The following PRKCQ variants were observed in gnomAD, a reference collection of about 807,000 sequenced individuals.
PRKCQ encodes protein kinase C theta type.
A neutral mutation model predicts 91.2 loss-of-function variants in PRKCQ; 41 were observed. That is an observed-to-expected ratio of 0.45 (90% CI 0.35 to 0.58). The LOEUF is 0.58. Ranked by LOEUF, PRKCQ falls within the 20% of genes least tolerant of loss-of-function variation. The pLI is 0.00. For missense variants in PRKCQ, 673 were observed against 896.5 expected (o/e 0.75, Z 3.18); for synonymous variants, 307 against 316.9 (o/e 0.97, Z 0.33).
At chr10:6,523,515 A>G (rs546748232) in intron 1 of PRKCQ, among the ~76,000 whole-genome samples, 13 of 152,310 alleles carry the variant, frequency 8.5e-5, no homozygotes, top group Non-Finnish European at 1.6e-4. Flanking sequence ...CCTACAATAC[A>G]GTGACAAAGG....
chr10:6,445,735 A>AAAT (rs1429496604), intron 15 of PRKCQ, among the ~76,000 whole-genome samples: 7 of 152,248 alleles, frequency 4.6e-5, no homozygotes, highest in African/African-American at 1.7e-4. Context: ...AATTTAGAAA[A>AAAT]AATAGGCTTT....
chr10:6,459,877 G>A (rs1835229687), intron 14 of PRKCQ, among the ~76,000 whole-genome samples: 1 of 152,206 alleles, frequency 6.6e-6, no homozygotes, highest in African/African-American at 2.4e-5. Flanking sequence ...CAAAACTAAT[G>A]TATCAGTTTT....
rs117577973 is a variant in PRKCQ, at chr10:6,561,828, T to C, written c.-10+18383A>G. On this transcript the variant is annotated intron_variant, in intron 1 of 17. Coordinates refer to ENST00000263125, the MANE Select transcript of PRKCQ (RefSeq NM_006257.5). ...GTGGGTGTGGGCATGTATGTTGATATGATAGAACTTGCTGTTTTTAATGTG... is the reference window on the plus strand; with the variant it reads ...GTGGGTGTGGGCATGTATGTTGATACGATAGAACTTGCTGTTTTTAATGTG... Among the ~76,000 whole-genome samples the C allele has an allele frequency of 7.7e-3, 1,170 of 152,264 alleles. 7 individuals are homozygous for C. The highest frequency in any genetic ancestry group is 0.03 in the South Asian group (144 of 4,816).
chr10:6,395,130 C>T, the PRKCQ span, among the ~76,000 whole-genome samples: 1,283 of 134,900 alleles, frequency 9.5e-3, 17 homozygotes, highest in African/African-American at 0.034. Flanking sequence ...TGGCTGTGAT[C>T]TCGGCTCACT....
intron 1 of PRKCQ, among the ~76,000 whole-genome samples, chr10:6,572,249 T>C (rs1841073747): frequency 1.3e-5 from 2 of 151,418 alleles, no homozygotes; most frequent in Admixed American, 1.3e-4. Context: ...TTTTAAGTTC[T>C]GGGATACAGG....
intron 14 of PRKCQ, among the ~76,000 whole-genome samples, chr10:6,457,531 C>T (rs143493491): frequency 3.9e-5 from 6 of 152,288 alleles, no homozygotes; most frequent in African/African-American, 1.4e-4. Context: ...TTTTCAGACC[C>T]TTTTGACCTT....
At chr10:6,409,238 T>C in the PRKCQ span, among the ~76,000 whole-genome samples, 3 of 152,230 alleles carry the variant, frequency 2.0e-5, no homozygotes, top group African/African-American at 4.8e-5. Context: ...GGCATTAATA[T>C]GGGTGTTCCC....
At chr10:6,488,156 C>T (rs1344010068) in intron 8 of PRKCQ, among the ~76,000 whole-genome samples, 1 of 152,180 alleles carries the variant, frequency 6.6e-6, no homozygotes, top group Non-Finnish European at 1.5e-5. Context: ...TTAATCTTAT[C>T]TGCTGATTTG....
chr10:6,436,879 C>T (rs1220407934), intron 16 of PRKCQ, among the ~76,000 whole-genome samples: 1 of 152,190 alleles, frequency 6.6e-6, no homozygotes, highest in Non-Finnish European at 1.5e-5. Flanking sequence ...GGAATTACTT[C>T]TGGTTACCTC....
the PRKCQ span, among the ~76,000 whole-genome samples, chr10:6,397,879 C>T: frequency 1.3e-5 from 2 of 152,026 alleles, no homozygotes; most frequent in Non-Finnish European, 2.9e-5. Context: ...GAGCTGAGAT[C>T]GTGCCATTGC....
intron 1 of PRKCQ, among the ~76,000 whole-genome samples, chr10:6,538,070 G>A (rs1280022669): frequency 1.3e-5 from 2 of 152,254 alleles, no homozygotes; most frequent in Admixed American, 1.3e-4. Flanking sequence ...AGGGAAAGCG[G>A]GACCAAGGCT....
At chr10:6,435,941 C>T (rs7070193) in intron 16 of PRKCQ, among the ~76,000 whole-genome samples, 57,557 of 151,998 alleles carry the variant, frequency 0.38, 13,065 homozygotes, top group East Asian at 0.7. Context: ...TGGCAAAACC[C>T]GTCTCTACAA....
intron 1 of PRKCQ, among the ~76,000 whole-genome samples, chr10:6,547,216 C>T (rs1472815973): frequency 6.6e-6 from 1 of 152,066 alleles, no homozygotes; most frequent in Non-Finnish European, 1.5e-5. Flanking sequence ...CAAACCACTG[C>T]TCAATGAAAT....
chr10:6,548,664 A>C (rs1420130744), intron 1 of PRKCQ, among the ~76,000 whole-genome samples: 1 of 144,270 alleles, frequency 6.9e-6, no homozygotes, highest in Non-Finnish European at 1.5e-5. Flanking sequence ...GTTCTCACTC[A>C]TAGGTGGGAA....
intron 12 of PRKCQ, among the ~76,000 whole-genome samples, chr10:6,477,154 T>C (rs1327749802): frequency 6.6e-6 from 1 of 152,180 alleles, no homozygotes; most frequent in Non-Finnish European, 1.5e-5. Flanking sequence ...TTCTGCCCAT[T>C]CAAATTCCTC....
At chr10:6,560,108 T>C (rs1382060959) in intron 1 of PRKCQ, among the ~76,000 whole-genome samples, 1 of 152,194 alleles carries the variant, frequency 6.6e-6, no homozygotes, top group African/African-American at 2.4e-5. Flanking sequence ...AGTCAACATT[T>C]AGTGACTGAA....
At chr10:6,541,961 C>T (rs772991190) in intron 1 of PRKCQ, among the ~76,000 whole-genome samples, 5 of 152,068 alleles carry the variant, frequency 3.3e-5, no homozygotes, top group South Asian at 2.1e-4. Context: ...ATGATTAAAA[C>T]GCTGAGCCCA....
intron 8 of PRKCQ, among the ~76,000 whole-genome samples, chr10:6,488,829 G>C (rs1321183550): frequency 6.6e-6 from 1 of 152,160 alleles, no homozygotes; most frequent in Non-Finnish European, 1.5e-5. Flanking sequence ...GCCCAGGCTG[G>C]AGTGCAGTGG....
At chr10:6,456,644 G>T (rs1329200300) in intron 15 of PRKCQ, 30 bp downstream of exon 15, 1 of 1,612,516 alleles carries the variant, frequency 6.2e-7, no homozygotes, top group Middle Eastern at 1.7e-4. Context: ...GGCATGGTGA[G>T]GTGGGAGCAG....
Sources: allele counts gnomAD v4.1 joint callset (sites outside exome capture counted in the v4.1 genomes callset), GRCh38; gene constraint gnomAD v4.1.1; transcripts MANE v1.5; gene names NCBI Gene and HGNC (gene_info 2026-07-23, HGNC 2026-07-21).